The following EHD1 variants were observed in gnomAD, a reference collection of about 807,000 sequenced individuals.
EHD1 encodes EH domain containing 1, also known as EH domain-containing protein 1.
Under a neutral mutation model 39.0 loss-of-function variants are expected in EHD1, and 19 were observed. The ratio of observed to expected loss-of-function variants is 0.49; its 90% CI spans 0.34 to 0.72. EHD1 has a LOEUF of 0.72. Among genes scored for constraint, EHD1 ranks in the 30% least tolerant of loss-of-function variants. The pLI is 0.01. For synonymous variants in EHD1, 323 were observed against 331.2 expected (o/e 0.98, Z 0.27); for missense variants, 542 against 751.5 (o/e 0.72, Z 3.26).
rs1412897403 is a variant in EHD1, at chr11:64,860,208, C to T, written c.631G>A (p.Glu211Lys). Reference protein sequence around the residue: ...SEVIKALKNHEDKIRVVLNKA... With the variant: ...SEVIKALKNHKDKIRVVLNKA... ...TTCAGCACCACGCGGATCTTGTCCT[C>T]ATGGTTCTTCAGAGCCTTGATCACT... is the stretch of plus-strand genomic sequence containing the variant. Residue 211 changes from glutamate to lysine, a missense_variant, in exon 3 of 5, where the codon GAG becomes AAG. Coordinates refer to ENST00000320631, the MANE Select transcript of EHD1 (RefSeq NM_006795.4). 1 of 1,614,064 alleles carries T rather than the reference C, an allele frequency of 6.2e-7. No individual in the cohort carries two copies. Among genetic ancestry groups the T allele is most frequent in the Non-Finnish European group, 8.5e-7 (1 of 1,180,050 alleles).
rs375914175 is a variant in EHD1, at chr11:64,860,314, C to T, written c.525G>A (p.Leu175=). The T allele has an allele frequency of 5.1e-4, 827 of 1,612,748 alleles. 9 individuals are homozygous for T. The South Asian group carries it at 8.2e-3, about 16-fold the overall frequency. Residue 175 remains leucine (L), a synonymous_variant, in exon 3 of 5, where the codon CTG becomes CTA. Coordinates refer to ENST00000320631, the MANE Select transcript of EHD1 (RefSeq NM_006795.4). The part of the protein sequence containing the change: ...ISRGYDFAAV[L]EWFAERVDRI... Reference sequence around the variant, plus strand: ...GGTCCACACGCTCCGCGAACCACTCCAGGACGGCTGCAAAGTCATAGCCTG... The same window carrying T: ...GGTCCACACGCTCCGCGAACCACTCTAGGACGGCTGCAAAGTCATAGCCTG...
Position 64,868,487 on chromosome 11 carries a change from C to A in EHD1, c.502+5934G>T, listed in dbSNP as rs903957755. Among the ~76,000 whole-genome samples the A allele has an allele frequency of 2.0e-5, 3 of 152,178 alleles. No homozygotes were observed. Among genetic ancestry groups the A allele is most frequent in the Non-Finnish European group, 4.4e-5 (3 of 68,022 alleles). ...TGCATCCCTATGATGGGACAAGGAC[C>A]CCCAACAAAGAGGAGCGGGCCACAG... On this transcript the variant is annotated intron_variant, in intron 2 of 4. Transcript: ENST00000320631. The surrounding 1 kb of genome is among the most constrained non-coding windows in gnomAD (Gnocchi z 4.2).
chr11:64,872,104 C>T (rs1943836373), intron 2 of EHD1, among the ~76,000 whole-genome samples: 2 of 152,154 alleles, frequency 1.3e-5, no homozygotes, highest in African/African-American at 4.8e-5. Context: ...GCAAGCAACA[C>T]AAGACATACA....
rs539360321 is a variant in EHD1, at chr11:64,852,125, C to T, written c.*2208G>A. 72 of 152,390 alleles carry T rather than the reference C, an allele frequency of 4.7e-4. No homozygotes were observed. Among genetic ancestry groups the T allele is most frequent in the African/African-American group, 1.5e-3 (64 of 41,578 alleles). 9.4% of individuals were successfully genotyped at this position (152,390 alleles called of 1,614,324 possible). ...CCAGAGGGGCTGGAGCAGCCTCTAC[C>T]CATGGCACCTCAAGTCTGCACCCTT... On this transcript the variant is annotated 3_prime_UTR_variant, in exon 5 of 5. Transcript: ENST00000320631.
At position 64,868,255 on chromosome 11, in the gene EHD1, A is replaced by G. The variant is rs960628132; in HGVS notation, c.502+6166T>C. On this transcript the variant is annotated intron_variant, in intron 2 of 4. Transcript: ENST00000320631. The surrounding 1 kb of genome is among the most constrained non-coding windows in gnomAD (Gnocchi z 4.2). ...TAGCTCTCCATCACACAGGTTTCCA[A>G]CGCGTGCTGGGCCTCGTTCCTGGGC... Among the ~76,000 whole-genome samples the G allele has an allele frequency of 1.3e-5, 2 of 152,190 alleles. No individual in the cohort carries two copies. The highest frequency in any genetic ancestry group is 4.8e-5 in the African/African-American group (2 of 41,436).
rs1323988945 is a variant in EHD1 at position 64,855,472 on chromosome 11, G to T, written c.930C>A (p.Ile310=). Residue 310 remains isoleucine (I), a synonymous_variant, in exon 4 of 5, where the codon ATC becomes ATA. Coordinates refer to ENST00000320631, the MANE Select transcript of EHD1 (RefSeq NM_006795.4). ...GCATCTCTTTCTTGAGGGAGCTGAT[G>T]ATGTAGGCGTGAACCTGTGAGGACG... The part of the protein sequence containing the change: ...RARLAKVHAY[I]ISSLKKEMPN... 1.2e-6 allele frequency: 2 copies of T among 1,613,950 alleles called. No homozygotes were observed. Among genetic ancestry groups the T allele is most frequent in the Non-Finnish European group, 1.7e-6 (2 of 1,180,008 alleles).
At chr11:64,859,791 A>C in intron 3 of EHD1, 133 bp downstream of exon 3, 1 of 1,284,210 alleles carries the variant, frequency 7.8e-7, no homozygotes, top group Non-Finnish European at 1.0e-6. Context: ...CTATAGAGGG[A>C]AACAGCGCAG....
chr11:64,865,287 C>G (rs889695676), intron 2 of EHD1, among the ~76,000 whole-genome samples: 1 of 152,252 alleles, frequency 6.6e-6, no homozygotes, highest in Non-Finnish European at 1.5e-5. Context: ...CTCACTCAGC[C>G]TAAAAGACGC....
intron 2 of EHD1, among the ~76,000 whole-genome samples, chr11:64,867,890 G>A (rs1008721070): frequency 2.0e-5 from 3 of 152,252 alleles, no homozygotes; most frequent in African/African-American, 4.8e-5. Flanking sequence ...TCAGGGTAGC[G>A]TGCACGCAGG....
intron 1 of EHD1, among the ~76,000 whole-genome samples, chr11:64,876,608 G>A (rs1423089304): frequency 2.0e-5 from 3 of 152,230 alleles, no homozygotes; most frequent in African/African-American, 7.2e-5. Flanking sequence ...CTGACCTAAT[G>A]GGTGACTTCC....
intron 2 of EHD1, 56 bp downstream of exon 2, chr11:64,874,365 A>G: frequency 6.9e-7 from 1 of 1,447,556 alleles, no homozygotes; most frequent in Non-Finnish European, 9.5e-7. Context: ...TGCAGATCTT[A>G]GAGAGAAGGA....
intron 3 of EHD1, chr11:64,855,898 ACCAC>A (rs1160268865): frequency 6.4e-6 from 1 of 155,212 alleles, no homozygotes; most frequent in Non-Finnish European, 1.3e-5. Context: ...CTCAACCCTC[ACCAC>A]GCATCACACA....
chr11:64,861,702 G>A (rs190202392), intron 2 of EHD1, among the ~76,000 whole-genome samples: 8 of 152,242 alleles, frequency 5.3e-5, no homozygotes, highest in Non-Finnish European at 7.4e-5. Context: ...GAGTTCAGTC[G>A]TTGTGACAGA....
In EHD1 at chr11:64,874,301, CAAAAAAAAAAAA is replaced by C. The variant is rs35867760; in HGVS notation, c.502+108_502+119del. 8 of 477,600 alleles carry C rather than the reference CAAAAAAAAAAAA, an allele frequency of 1.7e-5. No homozygotes were observed. In the African/African-American group the frequency reaches 2.1e-4, roughly 12 times the overall value. The allele number at this position is 477,600 out of a possible 1,614,324, so 29.6% of individuals were successfully genotyped here. ...CCTGGGTGACAGAGTAAGACTCCGT[CAAAAAAAAAAAA>C]AAAAAAAAGGAGAAATCTCAAGGGC... On this transcript the variant is annotated intron_variant, in intron 2 of 4. Transcript: ENST00000320631.
rs1198569163 is a variant in EHD1, at chr11:64,855,377, A to G, written c.1025T>C (p.Ile342Thr). ...VNNLGEIYQK[I>T]EREHQISPGD... The stretch of plus-strand genomic sequence containing the variant: ...AGGGGAGATCTGGTGCTCGCGCTCA[A>G]TCTTCTGGTAGATCTCTCCGAGGTT... Residue 342 changes from isoleucine to threonine, a missense_variant, in exon 4 of 5, where the codon ATT (isoleucine) becomes ACT (threonine). By Grantham distance (89) the Ile-to-Thr change is moderately conservative. Transcript: ENST00000320631. 1 of 1,614,106 alleles carries G rather than the reference A, an allele frequency of 6.2e-7. No individual in the cohort carries two copies. Among genetic ancestry groups the G allele is most frequent in the South Asian group, 1.1e-5 (1 of 91,086 alleles).
chr11:64,877,125 G>A (rs1470388354), intron 1 of EHD1, among the ~76,000 whole-genome samples: 4 of 152,238 alleles, frequency 2.6e-5, no homozygotes, highest in Non-Finnish European at 1.5e-5. Flanking sequence ...GTGGCAGGGA[G>A]GACAGGGTCT....
intron 2 of EHD1, among the ~76,000 whole-genome samples, chr11:64,871,344 C>T (rs533187707): frequency 6.6e-6 from 1 of 152,168 alleles, no homozygotes; most frequent in African/African-American, 2.4e-5. Context: ...CCACTCCGAC[C>T]TCCTCCGCTG....
At chr11:64,879,070 A>G, upstream of EHD1, 3 of 999,672 alleles carry the variant, frequency 3.0e-6, no homozygotes, top group Non-Finnish European at 3.6e-6. Context: ...AATCCCCGGA[A>G]GCATCGGAGT....
At chr11:64,870,599 T>G (rs1203345185) in intron 2 of EHD1, among the ~76,000 whole-genome samples, 1 of 152,200 alleles carries the variant, frequency 6.6e-6, no homozygotes, top group Non-Finnish European at 1.5e-5. Context: ...ATGGGGAGAT[T>G]GAGACACAAA....
Sources: gnomAD v4.1 joint callset for allele counts (sites outside exome capture counted in the v4.1 genomes callset) on GRCh38, gnomAD v4.1.1 for gene constraint, Gnocchi (gnomAD v3.1) non-coding constraint, MANE v1.5 for transcripts, NCBI Gene and HGNC (gene_info 2026-07-23, HGNC 2026-07-21) for gene names.